Variants in MAST4 observed in about 807,000 individuals in gnomAD.
MAST4 encodes microtubule associated serine/threonine kinase family member 4, also known as microtubule-associated serine/threonine-protein kinase 4.
In MAST4, 89 loss-of-function variants were observed where a neutral mutation model predicts 162.7. The ratio of observed to expected loss-of-function variants is 0.55; its 90% CI spans 0.46 to 0.65. The LOEUF is 0.65. Among genes scored for constraint, MAST4 ranks in the 30% least tolerant of loss-of-function variants. The probability of loss-of-function intolerance (pLI) is 0.00; values close to 1 mark genes in which losing one functional copy is unlikely to be tolerated. For missense variants in MAST4, 3,153 were observed against 3,374.0 expected, an observed-to-expected ratio of 0.93 and a Z score of 1.62; for synonymous variants, 1,479 against 1,361.1, an observed-to-expected ratio of 1.09 and a Z score of -1.91.
chr5:66,858,283 G>A (rs922404344), intron 3 of MAST4, among the ~76,000 whole-genome samples: 3 of 152,114 alleles, frequency 2.0e-5, no homozygotes, highest in African/African-American at 7.2e-5. Context: ...GGGATTACAG[G>A]TGTGAGCTAC....
At chr5:66,953,236 T>C (rs1427353322) in intron 4 of MAST4, among the ~76,000 whole-genome samples, 7 of 152,168 alleles carry the variant, frequency 4.6e-5, no homozygotes, top group African/African-American at 1.4e-4. Context: ...TGTGTGTTCC[T>C]TATGGATACC....
intron 5 of MAST4, among the ~76,000 whole-genome samples, chr5:67,058,381 C>G (rs558909355): frequency 6.6e-6 from 1 of 152,264 alleles, no homozygotes; most frequent in South Asian, 2.1e-4. Context: ...GTGAATATTT[C>G]AAATGTGTTT....
At chr5:66,748,835 G>T (rs927292534) in intron 1 of MAST4, among the ~76,000 whole-genome samples, 1 of 151,524 alleles carries the variant, frequency 6.6e-6, no homozygotes, top group African/African-American at 2.4e-5. Flanking sequence ...CATTCTGGGT[G>T]GTATAATCCA....
chr5:66,611,284 G>A (rs151288445), intron 1 of MAST4, among the ~76,000 whole-genome samples: 27 of 152,276 alleles, frequency 1.8e-4, no homozygotes, highest in Non-Finnish European at 3.5e-4. Flanking sequence ...TTGTTCCAGC[G>A]GCGACCTTAC....
At chr5:66,615,988 C>T (rs993237088) in intron 1 of MAST4, among the ~76,000 whole-genome samples, 24 of 152,224 alleles carry the variant, frequency 1.6e-4, no homozygotes, top group African/African-American at 5.8e-4. Flanking sequence ...GATGTTTTCT[C>T]CCCTTTCCAG....
chr5:66,686,144 T>G (rs1333235248), intron 1 of MAST4, among the ~76,000 whole-genome samples: 1 of 152,150 alleles, frequency 6.6e-6, no homozygotes, highest in Non-Finnish European at 1.5e-5. Flanking sequence ...ATTAAAATCT[T>G]GGCCCTGACA....
chr5:66,840,487 A>G (rs1403424754), intron 3 of MAST4, among the ~76,000 whole-genome samples: 1 of 152,184 alleles, frequency 6.6e-6, no homozygotes, highest in Non-Finnish European at 1.5e-5. Flanking sequence ...CTATGAATCA[A>G]ACTTGGGTAG....
At chr5:66,885,442 T>G (rs758671877) in intron 3 of MAST4, among the ~76,000 whole-genome samples, 3 of 152,226 alleles carry the variant, frequency 2.0e-5, no homozygotes, top group Non-Finnish European at 4.4e-5. Context: ...CTTTTTCTCC[T>G]GTAATGTAAT....
chr5:66,673,483 A>G (rs1282229020), intron 1 of MAST4, among the ~76,000 whole-genome samples: 1 of 148,266 alleles, frequency 6.7e-6, no homozygotes, highest in Non-Finnish European at 1.5e-5. Context: ...CTATATATTT[A>G]TCTATTGGAA....
intron 2 of MAST4, among the ~76,000 whole-genome samples, chr5:66,771,336 C>T (rs368229855): frequency 3.3e-5 from 5 of 152,204 alleles, no homozygotes; most frequent in Non-Finnish European, 4.4e-5. Context: ...AGGCACCCGC[C>T]GCCACACCCG....
intron 5 of MAST4, among the ~76,000 whole-genome samples, chr5:67,085,257 G>A (rs1187243185): frequency 6.6e-6 from 1 of 152,100 alleles, no homozygotes; most frequent in African/African-American, 2.4e-5. Context: ...AAATCCCGTT[G>A]GCTCCGCTGC....
At chr5:66,961,642 C>CT (rs1283292316) in intron 4 of MAST4, among the ~76,000 whole-genome samples, 2 of 151,718 alleles carry the variant, frequency 1.3e-5, no homozygotes, top group Non-Finnish European at 2.9e-5. Context: ...TTTGTTTTTT[C>CT]TTTTTTCATT....
chr5:66,973,534 G>A (rs1333025368), intron 4 of MAST4, among the ~76,000 whole-genome samples: 3 of 152,152 alleles, frequency 2.0e-5, no homozygotes, highest in Non-Finnish European at 4.4e-5. Flanking sequence ...CATCACACCA[G>A]GAAGTCCAAA....
chr5:66,859,527 G>A (rs1373801569), intron 3 of MAST4, among the ~76,000 whole-genome samples: 1 of 152,064 alleles, frequency 6.6e-6, no homozygotes, highest in Non-Finnish European at 1.5e-5. Flanking sequence ...AAACCCCCAG[G>A]ACTGTCAATT....
At chr5:66,961,266 A>T (rs1371937909) in intron 4 of MAST4, among the ~76,000 whole-genome samples, 7 of 152,260 alleles carry the variant, frequency 4.6e-5, no homozygotes, top group Admixed American at 4.6e-4. Context: ...AAGCAGATTT[A>T]ATGTATATAA....
chr5:66,836,179 A>G (rs1580586625), intron 3 of MAST4, among the ~76,000 whole-genome samples: 1 of 152,256 alleles, frequency 6.6e-6, no homozygotes, highest in Middle Eastern at 3.4e-3. Context: ...TGGAAAAAAA[A>G]AAAATCATGC....
intron 4 of MAST4, among the ~76,000 whole-genome samples, chr5:67,020,433 A>T (rs1753830263): frequency 6.6e-6 from 1 of 152,172 alleles, no homozygotes; most frequent in African/African-American, 2.4e-5. Context: ...GGTATGAAGG[A>T]ATTTACCACT....
intron 4 of MAST4, among the ~76,000 whole-genome samples, chr5:66,915,445 T>TA (rs1013956735): frequency 6.6e-6 from 1 of 152,154 alleles, no homozygotes; most frequent in Non-Finnish European, 1.5e-5. Flanking sequence ...AGAAGATTTC[T>TA]AAAAAGGTTA....
chr5:66,610,349 T>C (rs1743209753), intron 1 of MAST4, among the ~76,000 whole-genome samples: 1 of 152,230 alleles, frequency 6.6e-6, no homozygotes, highest in African/African-American at 2.4e-5. Flanking sequence ...TAGTTTTAAA[T>C]GGTGATTCAG....
Sources: gnomAD v4.1 joint callset for allele counts (sites outside exome capture counted in the v4.1 genomes callset) on GRCh38, gnomAD v4.1.1 for gene constraint, MANE v1.5 for transcripts, NCBI Gene and HGNC (gene_info 2026-07-23, HGNC 2026-07-21) for gene names.